Variants in CFAP96 observed in about 807,000 individuals in gnomAD.
CFAP96 encodes the protein cilia-and flagella-associated protein 96.
the CFAP96 span, among the ~76,000 whole-genome samples, chr4:185,433,761 G>C: frequency 6.6e-6 from 1 of 152,034 alleles, no homozygotes; most frequent in African/African-American, 2.4e-5. Context: ...AATTAGCCGG[G>C]CGTGGTGGTG....
the CFAP96 span, among the ~76,000 whole-genome samples, chr4:185,437,235 T>C: frequency 2.0e-5 from 3 of 152,150 alleles, no homozygotes; most frequent in Non-Finnish European, 1.5e-5. Flanking sequence ...AAAACTAAAA[T>C]GTGCTAGCAT....
chr4:185,422,824 G>T, the CFAP96 span, among the ~76,000 whole-genome samples: 1 of 152,228 alleles, frequency 6.6e-6, no homozygotes. Context: ...TACCCCCAGA[G>T]ATTCTGATTA....
the CFAP96 span, chr4:185,436,138 G>A: frequency 6.4e-7 from 1 of 1,551,278 alleles, no homozygotes; most frequent in Non-Finnish European, 8.7e-7. Flanking sequence ...AAGGCACCTG[G>A]AAAGAATTTA....
chr4:185,415,029 T>C, the CFAP96 span: 4 of 743,900 alleles, frequency 5.4e-6, no homozygotes, highest in East Asian at 3.2e-5. Context: ...GTAAAATGAA[T>C]AGTCTAAATT....
the CFAP96 span, chr4:185,431,836 G>A: frequency 3.0e-6 from 2 of 663,166 alleles, no homozygotes; most frequent in East Asian, 5.5e-5. Flanking sequence ...TTCACACAGA[G>A]CTTTCAGGGA....
chr4:185,423,427 G>T, the CFAP96 span, among the ~76,000 whole-genome samples: 1 of 152,154 alleles, frequency 6.6e-6, no homozygotes, highest in Non-Finnish European at 1.5e-5. Flanking sequence ...ATGGCAGTAA[G>T]AATCAAAGGT....
chr4:185,440,451 A>G, the CFAP96 span: 4 of 799,230 alleles, frequency 5.0e-6, no homozygotes, highest in Non-Finnish European at 7.7e-6. Flanking sequence ...TAAGAATCAT[A>G]TTTATATTAA....
At chr4:185,415,011 A>C in the CFAP96 span, 4 of 658,286 alleles carry the variant, frequency 6.1e-6, no homozygotes, top group Non-Finnish European at 2.4e-6. Context: ...ACAGAAATTA[A>C]ATAATGTGTA....
the CFAP96 span, chr4:185,449,572 T>C: frequency 1.4e-5 from 20 of 1,449,706 alleles, no homozygotes; most frequent in Non-Finnish European, 1.9e-5. Flanking sequence ...ATAAAATTAA[T>C]GTGTGTTTAT....
the CFAP96 span, among the ~76,000 whole-genome samples, chr4:185,412,931 T>C: frequency 1.3e-5 from 2 of 152,108 alleles, no homozygotes; most frequent in Non-Finnish European, 2.9e-5. Context: ...TTCACTCTTA[T>C]TTGAGCTACC....
the CFAP96 span, among the ~76,000 whole-genome samples, chr4:185,411,853 C>G: frequency 6.6e-6 from 1 of 152,210 alleles, no homozygotes; most frequent in South Asian, 2.1e-4. Flanking sequence ...AGTGAAAAAG[C>G]AAGCTGCAGA....
the CFAP96 span, chr4:185,436,385 A>G: frequency 6.8e-7 from 1 of 1,465,546 alleles, no homozygotes; most frequent in Non-Finnish European, 9.3e-7. Flanking sequence ...TGAATGTTTC[A>G]ACCTTTCTTT....
At chr4:185,436,228 T>A in the CFAP96 span, 94 of 1,542,954 alleles carry the variant, frequency 6.1e-5, 1 homozygote, top group African/African-American at 1.8e-4. Context: ...TTTTGAAATT[T>A]AAAAAAATTA....
the CFAP96 span, among the ~76,000 whole-genome samples, chr4:185,428,419 CA>C: frequency 6.6e-6 from 1 of 151,680 alleles, no homozygotes; most frequent in Admixed American, 6.6e-5. Context: ...ACTAAAAATA[CA>C]AAAACAGCTG....
the CFAP96 span, chr4:185,413,779 A>T: frequency 1.2e-6 from 2 of 1,613,592 alleles, no homozygotes; most frequent in Non-Finnish European, 1.7e-6. Context: ...TTTCTAATGT[A>T]ACCATCTTTG....
chr4:185,433,203 G>A, the CFAP96 span, among the ~76,000 whole-genome samples: 2,692 of 151,926 alleles, frequency 0.018, 51 homozygotes, highest in Middle Eastern at 0.054. Flanking sequence ...GACTTAAAAC[G>A]TAATGTTCAG....
the CFAP96 span, among the ~76,000 whole-genome samples, chr4:185,410,197 A>ATT: frequency 6.6e-6 from 1 of 152,208 alleles, no homozygotes; most frequent in African/African-American, 2.4e-5. Flanking sequence ...ATATTTGGAC[A>ATT]TTAACAAACA....
At chr4:185,416,340 T>C in the CFAP96 span, among the ~76,000 whole-genome samples, 1 of 152,164 alleles carries the variant, frequency 6.6e-6, no homozygotes, top group Non-Finnish European at 1.5e-5. Flanking sequence ...TAACATAAAA[T>C]AACCACACAC....
At chr4:185,421,042 A>C in the CFAP96 span, among the ~76,000 whole-genome samples, 1 of 152,236 alleles carries the variant, frequency 6.6e-6, no homozygotes, top group South Asian at 2.1e-4. Flanking sequence ...CACTCTACTA[A>C]TAACATAGGC....
Sources: gnomAD v4.1 joint callset for allele counts (sites outside exome capture counted in the v4.1 genomes callset) on GRCh38, gnomAD v4.1.1 for gene constraint, MANE v1.5 for transcripts, NCBI Gene and HGNC (gene_info 2026-07-23, HGNC 2026-07-21) for gene names.